Variants in DSCAM observed in about 807,000 individuals in gnomAD.
DSCAM encodes the protein DS cell adhesion molecule, also known as cell adhesion molecule DSCAM.
DSCAM carries 47 observed loss-of-function variants against 217.7 expected under a neutral mutation model. The observed-to-expected ratio is 0.22, with a 90% confidence interval of 0.17 to 0.28. The LOEUF is 0.28. Ranked by LOEUF, DSCAM falls within the 10% of genes least tolerant of loss-of-function variation. The pLI, the probability that DSCAM is intolerant of heterozygous loss-of-function variation, is 1.00. For missense variants in DSCAM, 2,080 were observed against 2,618.3 expected, an observed-to-expected ratio of 0.79 and a Z score of 4.49; for synonymous variants, 1,056 against 1,015.3, an observed-to-expected ratio of 1.04 and a Z score of -0.76.
intron 1 of DSCAM, among the ~76,000 whole-genome samples, chr21:40,717,921 G>A (rs1269284291): frequency 6.6e-6 from 1 of 152,210 alleles, no homozygotes; most frequent in South Asian, 2.1e-4. Context: ...AGGGAGAGAA[G>A]ACTGCAGGCA....
intron 3 of DSCAM, among the ~76,000 whole-genome samples, chr21:40,526,077 A>G (rs1279234058): frequency 6.6e-6 from 1 of 151,928 alleles, no homozygotes; most frequent in African/African-American, 2.4e-5. Flanking sequence ...TTCCTAGGAT[A>G]CTTTCTGGGC....
intron 24 of DSCAM, 109 bp from the exon 25 acceptor site, chr21:40,080,449 A>C: frequency 1.1e-6 from 1 of 950,542 alleles, no homozygotes; most frequent in Non-Finnish European, 1.5e-6. Flanking sequence ...TCAGAACTGA[A>C]GAATCTTCAG....
chr21:40,294,086 A>AT (rs2073926989), intron 10 of DSCAM, among the ~76,000 whole-genome samples: 2 of 152,204 alleles, frequency 1.3e-5, no homozygotes, highest in South Asian at 4.2e-4. Context: ...GCAATTTCTA[A>AT]TTTTTTTCTT....
chr21:40,086,512 T>C (rs1479936181), intron 22 of DSCAM, among the ~76,000 whole-genome samples: 3 of 152,188 alleles, frequency 2.0e-5, no homozygotes, highest in Admixed American at 2.0e-4. Flanking sequence ...TGCTTGAAAA[T>C]AGGCATTCTT....
intron 1 of DSCAM, among the ~76,000 whole-genome samples, chr21:40,808,236 A>G (rs563449408): frequency 2.6e-5 from 4 of 152,192 alleles, no homozygotes; most frequent in African/African-American, 4.8e-5. Flanking sequence ...GTATCAGTCA[A>G]CATCTCTACT....
intron 3 of DSCAM, among the ~76,000 whole-genome samples, chr21:40,595,293 A>T (rs1297988555): frequency 2.6e-5 from 4 of 151,964 alleles, no homozygotes; most frequent in Non-Finnish European, 5.9e-5. Context: ...TGGGAGGATC[A>T]CTTGCGCCCA....
intron 32 of DSCAM, among the ~76,000 whole-genome samples, chr21:40,030,408 G>C (rs1733928928): frequency 6.6e-6 from 1 of 152,156 alleles, no homozygotes; most frequent in Non-Finnish European, 1.5e-5. Context: ...AAACGTGGGA[G>C]GGGAGTATTT....
intron 31 of DSCAM, among the ~76,000 whole-genome samples, chr21:40,043,593 G>A (rs73906386): frequency 0.037 from 5,597 of 152,234 alleles, 189 homozygotes; most frequent in African/African-American, 0.09. Context: ...GGCATAGACT[G>A]GATGACTTAC....
intron 3 of DSCAM, among the ~76,000 whole-genome samples, chr21:40,555,803 T>G (rs2076666977): frequency 6.6e-6 from 1 of 152,058 alleles, no homozygotes; most frequent in African/African-American, 2.4e-5. Flanking sequence ...TGGCTAATAT[T>G]TTTTTTAATT....
chr21:40,637,422 TAA>T (rs1340691386), intron 3 of DSCAM, among the ~76,000 whole-genome samples: 4 of 854 alleles, frequency 4.7e-3, no homozygotes, highest in African/African-American at 0.025. Context: ...AATATATATA[TAA>T]ATATATAAAT....
intron 3 of DSCAM, among the ~76,000 whole-genome samples, chr21:40,481,530 CAAAAAAAAAAA>C (rs34586895): frequency 1.7e-5 from 1 of 60,510 alleles, no homozygotes; most frequent in East Asian, 6.2e-4. Context: ...ACTCTGTCTC[CAAAAAAAAAAA>C]AAAAAAAAAA....
At chr21:40,819,559 T>A (rs2091909832) in intron 1 of DSCAM, among the ~76,000 whole-genome samples, 1 of 152,180 alleles carries the variant, frequency 6.6e-6, no homozygotes, top group African/African-American at 2.4e-5. Flanking sequence ...TCCTCACAAA[T>A]TTTGAGTGTA....
intron 3 of DSCAM, chr21:40,383,696 T>C (rs913181643): frequency 6.6e-6 from 1 of 152,230 alleles, no homozygotes; most frequent in Non-Finnish European, 1.5e-5. Flanking sequence ...TGGAAGGCAA[T>C]TGTATCTGAC....
chr21:40,377,436 C>G (rs2074974516), intron 3 of DSCAM, among the ~76,000 whole-genome samples: 1 of 151,986 alleles, frequency 6.6e-6, no homozygotes, highest in Non-Finnish European at 1.5e-5. Flanking sequence ...GAAATTTAAC[C>G]TAAAGGTTCA....
chr21:40,161,122 G>A (rs936866076), intron 16 of DSCAM, among the ~76,000 whole-genome samples: 6 of 152,080 alleles, frequency 3.9e-5, no homozygotes, highest in African/African-American at 4.8e-5. Flanking sequence ...TCCTGGCTGC[G>A]CTCTAGGCTG....
chr21:40,379,965 A>G (rs2075003639), intron 3 of DSCAM, among the ~76,000 whole-genome samples: 1 of 152,232 alleles, frequency 6.6e-6, no homozygotes. Flanking sequence ...TTGGCTAGAA[A>G]TAACACCATC....
intron 16 of DSCAM, among the ~76,000 whole-genome samples, chr21:40,163,392 C>T (rs1056112449): frequency 3.3e-5 from 5 of 152,158 alleles, no homozygotes; most frequent in Admixed American, 1.3e-4. Context: ...TATTTGCTTA[C>T]ACAAATCCTT....
intron 8 of DSCAM, among the ~76,000 whole-genome samples, chr21:40,333,263 T>C (rs1375695127): frequency 1.3e-5 from 2 of 152,220 alleles, no homozygotes; most frequent in African/African-American, 4.8e-5. Flanking sequence ...TAACTGAAAA[T>C]AGTAAAGGTT....
chr21:40,581,717 G>A (rs1403343245), intron 3 of DSCAM, among the ~76,000 whole-genome samples: 3 of 152,150 alleles, frequency 2.0e-5, no homozygotes, highest in Non-Finnish European at 2.9e-5. Context: ...TGCTACCCAA[G>A]CCTTCCAGGG....
Sources: gnomAD v4.1 joint callset for allele counts (sites outside exome capture counted in the v4.1 genomes callset) on GRCh38, gnomAD v4.1.1 for gene constraint, MANE v1.5 for transcripts, NCBI Gene and HGNC (gene_info 2026-07-23, HGNC 2026-07-21) for gene names.